The following ARHGAP21 variants were observed in gnomAD, a reference collection of about 807,000 sequenced individuals.
The protein encoded by ARHGAP21 is rho GTPase-activating protein 21.
Under a neutral mutation model 164.6 loss-of-function variants are expected in ARHGAP21, and 38 were observed. That is an observed-to-expected ratio of 0.23 (90% CI 0.18 to 0.30). The LOEUF (loss-of-function observed/expected upper bound fraction) is 0.30. Ranked by LOEUF, ARHGAP21 falls within the 10% of genes least tolerant of loss-of-function variation. The pLI, the probability that ARHGAP21 is intolerant of heterozygous loss-of-function variation, is 1.00. For missense variants in ARHGAP21, 1,822 were observed against 2,370.7 expected (o/e 0.77, Z 4.81); for synonymous variants, 766 against 857.9 (o/e 0.89, Z 1.87).
chr10:24,673,913 T>C (rs1310942610), intron 2 of ARHGAP21, among the ~76,000 whole-genome samples: 1 of 152,130 alleles, frequency 6.6e-6, no homozygotes, highest in Non-Finnish European at 1.5e-5. Flanking sequence ...CACTTAAAAC[T>C]ATGAAACTTC....
At chr10:24,604,185 G>T (rs2076929458) in intron 12 of ARHGAP21, 127 bp downstream of exon 12, 6 of 592,518 alleles carry the variant, frequency 1.0e-5, no homozygotes, top group Non-Finnish European at 1.6e-5. Context: ...AGCACAATGT[G>T]TATCAAGTAT....
chr10:24,591,708 A>C (rs1328835097), intron 22 of ARHGAP21, 25 bp from the exon 23 acceptor site: 1 of 1,613,370 alleles, frequency 6.2e-7, no homozygotes, highest in Admixed American at 1.7e-5. Flanking sequence ...AGGTGAGAAG[A>C]GAAATTAAAC....
intron 11 of ARHGAP21, among the ~76,000 whole-genome samples, chr10:24,606,909 A>G (rs1360057767): frequency 6.6e-6 from 1 of 152,234 alleles, no homozygotes; most frequent in Non-Finnish European, 1.5e-5. Context: ...GTTTTCGATT[A>G]TATTTATTCA....
intron 13 of ARHGAP21, among the ~76,000 whole-genome samples, chr10:24,601,451 A>C (rs1273629881): frequency 6.6e-6 from 1 of 152,210 alleles, no homozygotes; most frequent in African/African-American, 2.4e-5. Flanking sequence ...AAATGTTCTT[A>C]TATATAAGCT....
At chr10:24,677,091 G>A (rs1281956376) in intron 2 of ARHGAP21, among the ~76,000 whole-genome samples, 1 of 152,072 alleles carries the variant, frequency 6.6e-6, no homozygotes, top group East Asian at 1.9e-4. Context: ...GTGGTGGTGG[G>A]CATCTGTAAT....
At chr10:24,710,483 A>G (rs1425227897) in intron 2 of ARHGAP21, among the ~76,000 whole-genome samples, 2 of 152,170 alleles carry the variant, frequency 1.3e-5, no homozygotes, top group African/African-American at 4.8e-5. Context: ...CTCTTCTGCT[A>G]AAATCCTATT....
At chr10:24,664,420 T>C (rs980527964) in intron 4 of ARHGAP21, among the ~76,000 whole-genome samples, 12 of 151,890 alleles carry the variant, frequency 7.9e-5, no homozygotes, top group Non-Finnish European at 1.2e-4. Context: ...CTGGGCGTGG[T>C]GGCGTGCGCT....
chr10:24,697,455 C>G (rs551137081), intron 2 of ARHGAP21, among the ~76,000 whole-genome samples: 101 of 152,238 alleles, frequency 6.6e-4, no homozygotes, highest in African/African-American at 2.4e-3. Context: ...AGGCTCCCCT[C>G]GTTTCCTTTC....
intron 4 of ARHGAP21, among the ~76,000 whole-genome samples, chr10:24,639,522 T>C (rs1014077119): frequency 6.6e-6 from 1 of 152,160 alleles, no homozygotes; most frequent in Non-Finnish European, 1.5e-5. Flanking sequence ...AGATCAGAGA[T>C]GATCTTGGGT....
chr10:24,692,834 A>ATAAAAAAAATAAAAAAAT (rs1842858590), intron 2 of ARHGAP21, among the ~76,000 whole-genome samples: 8 of 150,104 alleles, frequency 5.3e-5, no homozygotes, highest in African/African-American at 1.7e-4. Flanking sequence ...GTCTCAAAAA[A>ATAAAAAAAATAAAAAAAT]TAAAAAAAAT....
intron 9 of ARHGAP21, among the ~76,000 whole-genome samples, chr10:24,610,070 A>G (rs922230221): frequency 6.6e-6 from 1 of 152,230 alleles, no homozygotes; most frequent in Admixed American, 6.5e-5. Context: ...ACGTAATCAA[A>G]GAACTGACTT....
At chr10:24,686,928 T>C (rs1226025812) in intron 2 of ARHGAP21, among the ~76,000 whole-genome samples, 2 of 152,220 alleles carry the variant, frequency 1.3e-5, no homozygotes, top group Non-Finnish European at 2.9e-5. Context: ...CTCACATCCA[T>C]AATCCCAGCA....
At chr10:24,630,113 A>G in intron 6 of ARHGAP21, 63 bp from the exon 7 acceptor site, 1 of 848,418 alleles carries the variant, frequency 1.2e-6, no homozygotes, top group Non-Finnish European at 1.8e-6. Flanking sequence ...ACTTAATGGA[A>G]AAACAGTTAA....
At position 24,585,577 on chromosome 10, in the gene ARHGAP21, G is replaced by A. The variant is rs148071624; in HGVS notation, c.4712C>T (p.Thr1571Met). The change falls in exon 26 of 26, where the codon ACG becomes ATG. Residue 1571 changes from threonine (T) to methionine (M), a missense_variant. Thr to Met is a moderately conservative substitution (Grantham distance 81). Around this residue, in one of 5 missense-constraint regions of ARHGAP21, gnomAD observed 333 missense variants for 383.9 expected, o/e 0.87. Transcript: ENST00000396432. ...GTTGGCCAAAAACTCGCTATGTTTC[G>A]TTTCTGGACTGGTTGATTTCTTCAT... ...FSMKKSTSPE[T>M]KHSEFLANVS... 53 of 1,614,072 alleles carry A rather than the reference G, an allele frequency of 3.3e-5. No homozygotes were observed. Among genetic ancestry groups the A allele is most frequent in the East Asian group, 6.7e-5 (3 of 44,884 alleles).
chr10:24,683,013 G>T (rs1448992936), intron 2 of ARHGAP21, among the ~76,000 whole-genome samples: 1 of 150,596 alleles, frequency 6.6e-6, no homozygotes, highest in South Asian at 2.1e-4. Context: ...GGAGAATGGC[G>T]TGAACCCGGG....
chr10:24,686,259 T>C (rs1842198161), intron 2 of ARHGAP21, among the ~76,000 whole-genome samples: 2 of 151,860 alleles, frequency 1.3e-5, no homozygotes, highest in Admixed American at 1.3e-4. Flanking sequence ...TGAGGCCCTG[T>C]CTCTACAAAA....
chr10:24,663,738 A>C (rs1391951316), intron 4 of ARHGAP21, among the ~76,000 whole-genome samples: 1 of 152,166 alleles, frequency 6.6e-6, no homozygotes, highest in Non-Finnish European at 1.5e-5. Flanking sequence ...CATGTTGGCC[A>C]GGCTGGTCTC....
chr10:24,596,836 A>C lies in ARHGAP21; in HGVS notation c.3381T>G (p.Ile1127Met). Reference sequence around the variant, plus strand: ...CAAATGTCTTTCTCATGATACTTGGAATGCCTTTTCTCCATGTGCCTTTGT... The same window carrying C: ...CAAATGTCTTTCTCATGATACTTGGCATGCCTTTTCTCCATGTGCCTTTGT... ...PKDKGTWRKGIPSIMRKTFEK... is the reference protein window; with the variant it reads ...PKDKGTWRKGMPSIMRKTFEK... Residue 1127 changes from isoleucine (I) to methionine (M), a missense_variant, in exon 17 of 26, where the codon ATT becomes ATG. Transcript: ENST00000396432. 2 of 1,611,492 alleles carry C rather than the reference A, an allele frequency of 1.2e-6. No individual in the cohort carries two copies. Among genetic ancestry groups the C allele is most frequent in the East Asian group, 2.2e-5 (1 of 44,570 alleles).
chr10:24,718,928 G>C (rs1045717514), intron 2 of ARHGAP21, among the ~76,000 whole-genome samples: 4 of 152,036 alleles, frequency 2.6e-5, no homozygotes, highest in Non-Finnish European at 5.9e-5. Context: ...AGAAAGCTGA[G>C]GGAAAGTTTT....
Sources: gnomAD v4.1 joint callset for allele counts (sites outside exome capture counted in the v4.1 genomes callset) on GRCh38, gnomAD v4.1.1 for gene constraint, gnomAD v4.1.1 regional missense constraint, MANE v1.5 for transcripts, NCBI Gene and HGNC (gene_info 2026-07-23, HGNC 2026-07-21) for gene names.